Variants in KLHL29 observed in about 807,000 individuals in gnomAD.
KLHL29 encodes the protein kelch-like protein 29.
A neutral mutation model predicts 80.4 loss-of-function variants in KLHL29; 21 were observed. That is an observed-to-expected ratio of 0.26 (90% CI 0.19 to 0.38). KLHL29 has a LOEUF of 0.38. KLHL29 is among the 10% of genes least tolerant of loss of function. The probability of loss-of-function intolerance (pLI) is 1.00; values close to 1 mark genes in which losing one functional copy is unlikely to be tolerated. For synonymous variants in KLHL29, 511 were observed against 526.8 expected, an observed-to-expected ratio of 0.97 and a Z score of 0.41; for missense variants, 867 against 1,223.9, an observed-to-expected ratio of 0.71 and a Z score of 4.35.
chr2:23,555,440 C>G (rs1379929721), intron 2 of KLHL29, among the ~76,000 whole-genome samples: 1 of 152,194 alleles, frequency 6.6e-6, no homozygotes, highest in Non-Finnish European at 1.5e-5. Context: ...ACAGAAGGAG[C>G]CCCTGGGGAC....
Position 23,642,558 on chromosome 2 carries a change from C to T in KLHL29, c.648C>T (p.Ser216=), listed in dbSNP as rs763965543. Residue 216 remains serine (S), a synonymous_variant, in exon 5 of 14, where the codon AGC becomes AGT. Transcript: ENST00000486442. ...LPQPPSQPLS[S]VVVNMPAQAL... ...AGCCGCCCTCTCAGCCACTGAGCAG[C>T]GTGGTGGTCAACATGCCTGCCCAGG... 17 of 1,548,384 alleles carry T rather than the reference C, an allele frequency of 1.1e-5. No homozygotes were observed. The highest frequency in any genetic ancestry group is 1.7e-4 in the Middle Eastern group (1 of 5,998).
chr2:23,696,247 C>G lies in KLHL29; in HGVS notation c.1925-86C>G, dbSNP rs2149213310. The G allele has an allele frequency of 6.7e-7, 1 of 1,482,802 alleles. No homozygotes were observed. Among genetic ancestry groups the G allele is most frequent in the Non-Finnish European group, 9.2e-7 (1 of 1,092,180 alleles). The allele number at this position is 1,482,802 out of a possible 1,614,324, so 91.9% of individuals were successfully genotyped here. A position where few individuals can be genotyped will look rare whatever the true frequency, so the allele number is the denominator to read the frequency against. On this transcript the variant is annotated intron_variant, in intron 10 of 13. Transcript: ENST00000486442. This position sits in a 1 kb window ranked among gnomAD's most constrained non-coding sequence, Gnocchi z 5.5. ...AGAAGTGTCTACTTTGCAGGTGAAG[C>G]CTTCCTCTGCCCCTGGGGCTGGGCC...
intron 3 of KLHL29, among the ~76,000 whole-genome samples, chr2:23,573,820 G>A (rs904433676): frequency 1.3e-5 from 2 of 152,112 alleles, no homozygotes; most frequent in African/African-American, 2.4e-5. Flanking sequence ...TTAAAGCCCC[G>A]GCCTCTCTTT....
intron 2 of KLHL29, among the ~76,000 whole-genome samples, chr2:23,490,074 G>A (rs1326379184): frequency 2.0e-5 from 3 of 152,230 alleles, no homozygotes; most frequent in African/African-American, 7.2e-5. Flanking sequence ...TGCGCACTGG[G>A]GGAGCCTCCG....
intron 2 of KLHL29, among the ~76,000 whole-genome samples, chr2:23,494,839 C>T (rs1365728290): frequency 6.6e-6 from 1 of 152,182 alleles, no homozygotes; most frequent in East Asian, 1.9e-4. Flanking sequence ...TCTTTCCACA[C>T]ACCCAGTTGC....
Position 23,503,263 on chromosome 2 carries a change from T to C in KLHL29, c.-46+27596T>C, listed in dbSNP as rs1665505609. Among the ~76,000 whole-genome samples, 1 of 152,092 alleles carries C rather than the reference T, an allele frequency of 6.6e-6. No homozygotes were observed. The highest frequency in any genetic ancestry group is 1.5e-5 in the Non-Finnish European group (1 of 68,024). Reference sequence around the variant, plus strand: ...TGGCCTGGGCCTCGCTCTGCCTCTGTTGTTGCTCTGACCTTTGACAAATCA... The same window carrying C: ...TGGCCTGGGCCTCGCTCTGCCTCTGCTGTTGCTCTGACCTTTGACAAATCA... On this transcript the variant is annotated intron_variant, in intron 2 of 13. Coordinates refer to ENST00000486442, the MANE Select transcript of KLHL29 (RefSeq NM_052920.2). This position sits in a 1 kb window ranked among gnomAD's most constrained non-coding sequence, Gnocchi z 4.0.
chr2:23,702,852 C>T (rs2149226198), intron 11 of KLHL29, among the ~76,000 whole-genome samples: 1 of 152,340 alleles, frequency 6.6e-6, no homozygotes, highest in Middle Eastern at 3.4e-3. Flanking sequence ...ATGCTCAGTC[C>T]AGCATTGCGG....
At chr2:23,464,804 T>A (rs532266195) in intron 1 of KLHL29, among the ~76,000 whole-genome samples, 4 of 152,324 alleles carry the variant, frequency 2.6e-5, no homozygotes, top group African/African-American at 9.6e-5. Flanking sequence ...GGTCAGGAAG[T>A]TGATGGGTGT....
At chr2:23,639,823 C>CA (rs1669717335) in intron 4 of KLHL29, among the ~76,000 whole-genome samples, 1 of 152,196 alleles carries the variant, frequency 6.6e-6, no homozygotes, top group Non-Finnish European at 1.5e-5. Flanking sequence ...CACACAACAG[C>CA]CCTACAGGTG....
intron 1 of KLHL29, among the ~76,000 whole-genome samples, chr2:23,397,329 C>T (rs1051796695): frequency 1.3e-5 from 2 of 152,228 alleles, no homozygotes; most frequent in African/African-American, 2.4e-5. Flanking sequence ...CTTTTCAGAG[C>T]TACGGCCCTG....
At chr2:23,498,613 A>G (rs998027892) in intron 2 of KLHL29, among the ~76,000 whole-genome samples, 8 of 152,244 alleles carry the variant, frequency 5.3e-5, no homozygotes, top group African/African-American at 1.9e-4. Flanking sequence ...CGCCTTCGTT[A>G]GGACATTTAG....
chr2:23,694,488 C>T (rs72796120), intron 8 of KLHL29, among the ~76,000 whole-genome samples: 2 of 152,202 alleles, frequency 1.3e-5, no homozygotes, highest in Admixed American at 1.3e-4. Flanking sequence ...TAAAAGCACA[C>T]TGAACATCTC....
chr2:23,571,101 C>A (rs1667705712), intron 3 of KLHL29, among the ~76,000 whole-genome samples: 1 of 152,242 alleles, frequency 6.6e-6, no homozygotes, highest in Non-Finnish European at 1.5e-5. Context: ...TCTGGCAGGA[C>A]AAGGGGACTC....
At position 23,642,554 on chromosome 2, in the gene KLHL29, G is replaced by A. The variant is rs1669799740; in HGVS notation, c.644G>A (p.Ser215Asn). The change falls in exon 5 of 14, where the codon AGC (serine) becomes AAC (asparagine). Residue 215 changes from serine (S) to asparagine (N), a missense_variant. Physicochemically the swap from Ser to Asn is conservative, Grantham distance 46 (BLOSUM62 1). This residue lies in a region of KLHL29 where 424 missense variants were observed against 456.9 expected (regional missense o/e 0.93). Coordinates refer to ENST00000486442, the MANE Select transcript of KLHL29 (RefSeq NM_052920.2). ...CCTCAGCCGCCCTCTCAGCCACTGA[G>A]CAGCGTGGTGGTCAACATGCCTGCC... ...SLPQPPSQPL[S>N]SVVVNMPAQA... The A allele has an allele frequency of 6.5e-7, 1 of 1,545,198 alleles. No homozygotes were observed. Among genetic ancestry groups the A allele is most frequent in the Non-Finnish European group, 8.8e-7 (1 of 1,142,848 alleles).
chr2:23,487,294 G>T (rs4665218), intron 2 of KLHL29, among the ~76,000 whole-genome samples: 18,754 of 152,204 alleles, frequency 0.12, 1,296 homozygotes, highest in East Asian at 0.26. Context: ...TTGTAGTGAG[G>T]CTTCTAGTGG....
At chr2:23,542,740 C>T (rs1044169594) in intron 2 of KLHL29, among the ~76,000 whole-genome samples, 19 of 152,202 alleles carry the variant, frequency 1.2e-4, no homozygotes, top group African/African-American at 4.6e-4. Context: ...CTCACCTGGA[C>T]CAACTACAAG....
At chr2:23,625,390 G>T (rs1305887187) in intron 3 of KLHL29, among the ~76,000 whole-genome samples, 2 of 152,236 alleles carry the variant, frequency 1.3e-5, no homozygotes, top group African/African-American at 4.8e-5. Flanking sequence ...AATGAACCAT[G>T]ACAATGGAAA....
At chr2:23,498,602 G>T (rs1019815212) in intron 2 of KLHL29, among the ~76,000 whole-genome samples, 1 of 152,230 alleles carries the variant, frequency 6.6e-6, no homozygotes, top group Non-Finnish European at 1.5e-5. Flanking sequence ...AGCTTTCTCA[G>T]CGCCTTCGTT....
intron 4 of KLHL29, among the ~76,000 whole-genome samples, chr2:23,639,712 T>G (rs1419358951): frequency 6.6e-6 from 1 of 152,128 alleles, no homozygotes; most frequent in Non-Finnish European, 1.5e-5. Context: ...ATCCCAGCCC[T>G]TCTTTGGACA....
Sources: gnomAD v4.1 joint callset for allele counts (sites outside exome capture counted in the v4.1 genomes callset) on GRCh38, gnomAD v4.1.1 for gene constraint, gnomAD v4.1.1 regional missense constraint, Gnocchi (gnomAD v3.1) non-coding constraint, MANE v1.5 for transcripts, NCBI Gene and HGNC (gene_info 2026-07-23, HGNC 2026-07-21) for gene names.